The following IFT81 variants were observed in gnomAD, a reference collection of about 807,000 sequenced individuals.
IFT81 encodes intraflagellar transport 81, also known as intraflagellar transport protein 81 homolog.
IFT81 carries 72 observed loss-of-function variants against 102.6 expected under a neutral mutation model. The observed-to-expected ratio is 0.70, with a 90% CI of 0.58 to 0.85. The LOEUF is 0.85. Ranked by LOEUF, IFT81 falls within the 40% of genes least tolerant of loss-of-function variation. IFT81 has a pLI of 0.00. For synonymous variants in IFT81, 237 were observed against 242.7 expected (o/e 0.98, Z 0.22); for missense variants, 723 against 787.3 (o/e 0.92, Z 0.98).
intron 8 of IFT81, among the ~76,000 whole-genome samples, chr12:110,143,146 A>G (rs1229358204): frequency 6.6e-6 from 1 of 152,168 alleles, no homozygotes; most frequent in Non-Finnish European, 1.5e-5. Flanking sequence ...AAGGGTCATA[A>G]TAGCACTTTT....
chr12:110,131,215 C>T (rs537850637), intron 4 of IFT81, among the ~76,000 whole-genome samples: 67 of 151,650 alleles, frequency 4.4e-4, no homozygotes, highest in African/African-American at 1.6e-3. Flanking sequence ...CCAGGGAGGT[C>T]GAGGCTGCAA....
chr12:110,171,382 GGTGTGATTAACT>G (rs1384037525), intron 11 of IFT81, among the ~76,000 whole-genome samples: 1 of 151,900 alleles, frequency 6.6e-6, no homozygotes, highest in African/African-American at 2.4e-5. Context: ...GACCTTGGAT[GGTGTGATTAACT>G]GTGTTCCACA....
rs552718329 is a variant in IFT81 at position 110,145,011 on chromosome 12, G to A, written c.945+1466G>A. On this transcript the variant is annotated intron_variant, in intron 9 of 18. Transcript: ENST00000242591. ...CTCTCGACTAGCTGGGATTACAGGC[G>A]CACACCACTATGCCTAATTTTTTTT... is the stretch of plus-strand genomic sequence containing the variant. 8.8e-5 allele frequency among the ~76,000 whole-genome samples: 13 copies of A among 147,380 alleles called. No homozygotes were observed. In the East Asian group the frequency reaches 1.2e-3, roughly 13 times the overall value.
chr12:110,133,041 G>A (rs893967003), intron 5 of IFT81, among the ~76,000 whole-genome samples: 7 of 147,562 alleles, frequency 4.7e-5, no homozygotes, highest in Non-Finnish European at 8.9e-5. Flanking sequence ...TGTGATCACA[G>A]CTCACTACAG....
intron 18 of IFT81, among the ~76,000 whole-genome samples, chr12:110,216,322 TAGGACTAC>T (rs1240680289): frequency 6.6e-6 from 1 of 151,830 alleles, no homozygotes; most frequent in African/African-American, 2.4e-5. Context: ...CCCAACTAGC[TAGGACTAC>T]AGGCATGTGC....
chr12:110,140,522 A>T (rs1894827067), intron 8 of IFT81, among the ~76,000 whole-genome samples: 1 of 152,124 alleles, frequency 6.6e-6, no homozygotes, highest in Non-Finnish European at 1.5e-5. Context: ...AGAAAATATT[A>T]TTTGAGAATT....
At chr12:110,135,081 C>T in intron 6 of IFT81, 68 bp downstream of exon 6, 1 of 1,186,470 alleles carries the variant, frequency 8.4e-7, no homozygotes, top group Non-Finnish European at 1.2e-6. Context: ...TTTAGGAATG[C>T]AAATAAAGAT....
intron 10 of IFT81, among the ~76,000 whole-genome samples, chr12:110,156,289 A>G (rs966992889): frequency 2.0e-5 from 3 of 152,188 alleles, no homozygotes; most frequent in South Asian, 2.1e-4. Context: ...CACTAATACT[A>G]TCTTTCATAA....
chr12:110,163,165 G>C (rs770868036), intron 11 of IFT81, 100 bp downstream of exon 11: 7 of 817,962 alleles, frequency 8.6e-6, no homozygotes, highest in Admixed American at 2.7e-5. Context: ...ATATTGGGAC[G>C]TTAATCTTAT....
intron 4 of IFT81, among the ~76,000 whole-genome samples, chr12:110,131,570 A>G (rs1234373861): frequency 6.6e-6 from 1 of 151,686 alleles, no homozygotes; most frequent in South Asian, 2.1e-4. Flanking sequence ...CTGGTCTCGA[A>G]CTCCTGACCT....
intron 18 of IFT81, among the ~76,000 whole-genome samples, chr12:110,211,741 A>G (rs1050824502): frequency 7.2e-5 from 11 of 152,060 alleles, no homozygotes; most frequent in African/African-American, 2.7e-4. Context: ...TCCTGAGCCC[A>G]AGCAATCCAT....
At chr12:110,217,319 A>G (rs914950287) in intron 18 of IFT81, among the ~76,000 whole-genome samples, 21 of 152,222 alleles carry the variant, frequency 1.4e-4, no homozygotes, top group Admixed American at 7.9e-4. Flanking sequence ...TGCTGGGATT[A>G]CAGTCGTGAG....
At chr12:110,201,142 C>G (rs576998175) in intron 14 of IFT81, among the ~76,000 whole-genome samples, 1 of 151,988 alleles carries the variant, frequency 6.6e-6, no homozygotes, top group African/African-American at 2.4e-5. Flanking sequence ...ATGACTCATG[C>G]CTGTAATCCC....
intron 14 of IFT81, among the ~76,000 whole-genome samples, chr12:110,195,218 C>A (rs1897949812): frequency 6.6e-6 from 1 of 152,044 alleles, no homozygotes; most frequent in Admixed American, 6.6e-5. Flanking sequence ...CCCCTGACTT[C>A]TCTCCCTCAT....
At chr12:110,171,264 A>ATTT (rs201740348) in intron 11 of IFT81, among the ~76,000 whole-genome samples, 1 of 144,670 alleles carries the variant, frequency 6.9e-6, no homozygotes, top group Non-Finnish European at 1.5e-5. Context: ...GTTTTCATGG[A>ATTT]TTTTTTTTTT....
chr12:110,201,151 C>A (rs1325582577), intron 14 of IFT81, among the ~76,000 whole-genome samples: 2 of 151,614 alleles, frequency 1.3e-5, no homozygotes, highest in Non-Finnish European at 2.9e-5. Flanking sequence ...GCCTGTAATC[C>A]CAGCACTTTG....
Position 110,209,152 on chromosome 12 carries a change from C to T in IFT81, c.1803-19C>T. 2 of 1,418,720 alleles carry T rather than the reference C, an allele frequency of 1.4e-6. No individual in the cohort carries two copies. The highest frequency in any genetic ancestry group is 2.0e-6 in the Non-Finnish European group (2 of 1,017,612). The allele number at this position is 1,418,720 out of a possible 1,614,324, so 87.9% of individuals were successfully genotyped here. On this transcript the variant is annotated intron_variant, in intron 17 of 18. Transcript: ENST00000242591. The stretch of plus-strand genomic sequence containing the variant: ...CATTTGAAGTAAATTGAAAGTAAAT[C>T]ATTATGTTGACTCCCTAGGGAACAG...
At chr12:110,132,459 CAA>C (rs397964365) in intron 4 of IFT81, 86 bp from the exon 5 acceptor site, 9,976 of 349,290 alleles carry the variant, frequency 0.029, no homozygotes, top group East Asian at 0.036. Flanking sequence ...GAGTCTGTCT[CAA>C]AAAAAAAAAA....
At chr12:110,182,359 G>A (rs1897340273) in intron 12 of IFT81, among the ~76,000 whole-genome samples, 1 of 152,144 alleles carries the variant, frequency 6.6e-6, no homozygotes, top group African/African-American at 2.4e-5. Flanking sequence ...TGGTTCCAAG[G>A]ACATAACTGA....
Sources: gnomAD v4.1 joint callset for allele counts (sites outside exome capture counted in the v4.1 genomes callset) on GRCh38, gnomAD v4.1.1 for gene constraint, MANE v1.5 for transcripts, NCBI Gene and HGNC (gene_info 2026-07-23, HGNC 2026-07-21) for gene names.